The following CHD3 variants were observed in gnomAD, a reference collection of about 807,000 sequenced individuals.
The protein encoded by CHD3 is ATP-dependent chromatin remodeler CHD3.
CHD3 carries 52 observed loss-of-function variants against 248.9 expected under a neutral mutation model. The observed-to-expected ratio is 0.21, with a 90% CI of 0.17 to 0.26. The LOEUF is 0.26. CHD3 is among the 10% of genes least tolerant of loss of function. The pLI is 1.00. For synonymous variants in CHD3, 985 were observed against 985.2 expected (o/e 1.00, Z 0.00); for missense variants, 1,482 against 2,605.8 (o/e 0.57, Z 9.39).
chr17:7,904,315 A>G lies in CHD3; in HGVS notation c.3895-127A>G, dbSNP rs924480434. 4 of 823,552 alleles carry G rather than the reference A, an allele frequency of 4.9e-6. No homozygotes were observed. The Admixed American group carries it at 1.0e-4, about 21-fold the overall frequency. The allele number at this position is 823,552 out of a possible 1,614,324, so 51.0% of individuals were successfully genotyped here. ...TGCGCAATGTCCAGAAAATGTATGC[A>G]GAGCCACGAAGCTGCAGGAGTGGGG... On this transcript the variant is annotated intron_variant, in intron 24 of 39. Transcript: ENST00000330494. The surrounding 1 kb of genome is among the most constrained non-coding windows in gnomAD (Gnocchi z 4.4).
intron 4 of CHD3, among the ~76,000 whole-genome samples, chr17:7,892,286 G>C (rs564331058): frequency 6.6e-6 from 1 of 152,124 alleles, no homozygotes. Context: ...TCCGTCCTAC[G>C]GAAGCCCATC....
In CHD3 at chr17:7,911,263, G is replaced by A. The variant is rs1971621525; in HGVS notation, c.5882-201G>A. On this transcript the variant is annotated intron_variant, in intron 39 of 39. Transcript: ENST00000330494. This position sits in a 1 kb window ranked among gnomAD's most constrained non-coding sequence, Gnocchi z 5.4. ...GGAAAGTGAATATGAAACCCGAGGG[G>A]TTAGAGAGTGGGAACATGTGTTCAA... 6.6e-6 allele frequency among the ~76,000 whole-genome samples: 1 copy of A among 152,218 alleles called. No homozygotes were observed. Among genetic ancestry groups the A allele is most frequent in the Admixed American group, 6.5e-5 (1 of 15,284 alleles).
Position 7,911,691 on chromosome 17 carries a change from C to T in CHD3, c.*106C>T. The stretch of plus-strand genomic sequence containing the variant: ...CCTCCACCTTCCCCACCCCTTGGGC[C>T]ATCACTGGGCTAGGAACCCCTTTGC... On this transcript the variant is annotated 3_prime_UTR_variant, in exon 40 of 40. Coordinates refer to ENST00000330494, the MANE Select transcript of CHD3 (RefSeq NM_001005273.3). This position sits in a 1 kb window ranked among gnomAD's most constrained non-coding sequence, Gnocchi z 5.4. The T allele has an allele frequency of 6.3e-7, 1 of 1,584,564 alleles. No homozygotes were observed. The highest frequency in any genetic ancestry group is 8.6e-7 in the Non-Finnish European group (1 of 1,164,786).
Position 7,906,252 on chromosome 17 carries a change from C to T in CHD3, c.4358+263C>T. On this transcript the variant is annotated intron_variant, in intron 28 of 39. Coordinates refer to ENST00000330494, the MANE Select transcript of CHD3 (RefSeq NM_001005273.3). The surrounding 1 kb of genome is among the most constrained non-coding windows in gnomAD (Gnocchi z 5.0). ...GGAGCCTCTCCTGGGCTGTCCTAGCCTCACATTTACTTGACCACAATAACC... is the reference window on the plus strand; with the variant it reads ...GGAGCCTCTCCTGGGCTGTCCTAGCTTCACATTTACTTGACCACAATAACC... 4.2e-6 allele frequency: 3 copies of T among 718,976 alleles called. No individual in the cohort carries two copies. Among genetic ancestry groups the T allele is most frequent in the Non-Finnish European group, 5.0e-6 (2 of 397,328 alleles). The allele number at this position is 718,976 out of a possible 1,614,324, so 44.5% of individuals were successfully genotyped here. A position where few individuals can be genotyped will look rare whatever the true frequency, so the allele number is the denominator to read the frequency against.
Position 7,899,478 on chromosome 17 carries a change from C to T in CHD3, c.2479C>T (p.Arg827Cys), listed in dbSNP as rs576579516. The T allele has an allele frequency of 6.2e-7, 1 of 1,614,170 alleles. No homozygotes were observed. Among genetic ancestry groups the T allele is most frequent in the South Asian group, 1.1e-5 (1 of 91,084 alleles). The change falls in exon 15 of 40, where the codon CGT (arginine) becomes TGT (cysteine). Residue 827 changes from arginine to cysteine, a missense_variant. Physicochemically the swap from Arg to Cys is radical, Grantham distance 180 (BLOSUM62 -3). Transcript: ENST00000330494. This position sits in a 1 kb window ranked among gnomAD's most constrained non-coding sequence, Gnocchi z 6.8. ...TGACAAGGACAGCCGGGCCATCATT[C>T]GTGAGAATGAATTCTCCTTTGAGGA... ...TGDKDSRAIIRENEFSFEDNA... is the reference protein window; with the variant it reads ...TGDKDSRAIICENEFSFEDNA...
Position 7,906,522 on chromosome 17 carries a change from C to G in CHD3, c.4359-31C>G, listed in dbSNP as rs1378505354. The G allele has an allele frequency of 2.5e-6, 4 of 1,612,608 alleles. No individual in the cohort carries two copies. The highest frequency in any genetic ancestry group is 3.4e-6 in the Non-Finnish European group (4 of 1,179,620). ...GCCCTATACCCCTTCTGTGGCTCCC[C>G]TAACCCTCCTCCCACTCCCATGCTC... On this transcript the variant is annotated intron_variant, in intron 28 of 39. Transcript: ENST00000330494. This position sits in a 1 kb window ranked among gnomAD's most constrained non-coding sequence, Gnocchi z 5.0.
rs1419102492 is a variant in CHD3 at position 7,903,622 on chromosome 17, T to C, written c.3727+119T>C. Reference sequence around the variant, plus strand: ...GCAGCCTTTGAAGGAAGGAGAGCCTTCTTTTAGTAGCCCTTGGAGGAAGGT... The same window carrying C: ...GCAGCCTTTGAAGGAAGGAGAGCCTCCTTTTAGTAGCCCTTGGAGGAAGGT... On this transcript the variant is annotated intron_variant, in intron 23 of 39. Transcript: ENST00000330494. This position sits in a 1 kb window ranked among gnomAD's most constrained non-coding sequence, Gnocchi z 6.8. 1.1e-5 allele frequency: 11 copies of C among 1,037,346 alleles called. No individual in the cohort carries two copies. The highest frequency in any genetic ancestry group is 2.6e-5 in the Admixed American group (1 of 38,190). The allele number at this position is 1,037,346 out of a possible 1,614,324, so 64.3% of individuals were successfully genotyped here. A position where few individuals can be genotyped will look rare whatever the true frequency, so the allele number is the denominator to read the frequency against.
upstream of CHD3, chr17:7,884,973 CGGGCCACGACCG>C (rs1255932581): frequency 1.6e-5 from 18 of 1,136,772 alleles, no homozygotes; most frequent in Non-Finnish European, 2.0e-5. Flanking sequence ...GGGCGCGGGC[CGGGCCACGACCG>C]GGGCCGCGAC....
rs1433841685 is a variant in CHD3 at position 7,911,278 on chromosome 17, CAT to C, written c.5882-185_5882-184del. On this transcript the variant is annotated intron_variant, in intron 39 of 39. Transcript: ENST00000330494. This position sits in a 1 kb window ranked among gnomAD's most constrained non-coding sequence, Gnocchi z 5.4. ...AACCCGAGGGGTTAGAGAGTGGGAA[CAT>C]GTGTTCAATCATGTAGCACAAAGTG... Among the ~76,000 whole-genome samples, 5 of 152,218 alleles carry C rather than the reference CAT, an allele frequency of 3.3e-5. No homozygotes were observed. The highest frequency in any genetic ancestry group is 5.9e-5 in the Non-Finnish European group (4 of 68,040).
chr17:7,900,909 T>A lies in CHD3; in HGVS notation c.3036T>A (p.Gly1012=). ...RNFEALNSRG[G]GNQVSLLNIM... The stretch of plus-strand genomic sequence containing the variant: ...TTGAGGCCTTGAATTCACGAGGTGG[T>A]GGGAACCAGGTGTCGCTGCTTAATA... Residue 1012 remains glycine, a synonymous_variant, in exon 19 of 40, where the codon GGT becomes GGA. Transcript: ENST00000330494. This position sits in a 1 kb window ranked among gnomAD's most constrained non-coding sequence, Gnocchi z 6.5. The A allele has an allele frequency of 6.2e-7, 1 of 1,614,168 alleles. No homozygotes were observed. Among genetic ancestry groups the A allele is most frequent in the Non-Finnish European group, 8.5e-7 (1 of 1,180,016 alleles).
chr17:7,903,180 C>A lies in CHD3; in HGVS notation c.3496-92C>A. ...TCTTCTGGGAGGAGAGAAGGCCCTT[C>A]TTCAGCAGCCTTCTTTCCTGAGGCA... On this transcript the variant is annotated intron_variant, in intron 22 of 39. Transcript: ENST00000330494. The surrounding 1 kb of genome is among the most constrained non-coding windows in gnomAD (Gnocchi z 6.8). The A allele has an allele frequency of 2.6e-6, 4 of 1,562,256 alleles. No homozygotes were observed. The highest frequency in any genetic ancestry group is 3.5e-6 in the Non-Finnish European group (4 of 1,141,422).
chr17:7,899,486 T>C lies in CHD3; in HGVS notation c.2487T>C (p.Asn829=). ...DKDSRAIIRE[N]EFSFEDNAIK... is the part of the protein sequence containing the mutation. ...ACAGCCGGGCCATCATTCGTGAGAA[T>C]GAATTCTCCTTTGAGGACAATGCCA... Residue 829 remains asparagine, a synonymous_variant, in exon 15 of 40, where the codon AAT becomes AAC. Coordinates refer to ENST00000330494, the MANE Select transcript of CHD3 (RefSeq NM_001005273.3). This position sits in a 1 kb window ranked among gnomAD's most constrained non-coding sequence, Gnocchi z 6.8. The C allele has an allele frequency of 6.2e-7, 1 of 1,614,188 alleles. No homozygotes were observed. Among genetic ancestry groups the C allele is most frequent in the Non-Finnish European group, 8.5e-7 (1 of 1,180,028 alleles).
Position 7,899,686 on chromosome 17 carries a change from A to G in CHD3, c.2544+143A>G. 1 of 1,019,690 alleles carries G rather than the reference A, an allele frequency of 9.8e-7. No individual in the cohort carries two copies. Among genetic ancestry groups the G allele is most frequent in the South Asian group, 1.5e-5 (1 of 64,952 alleles). The allele number at this position is 1,019,690 out of a possible 1,614,324, so 63.2% of individuals were successfully genotyped here. The stretch of plus-strand genomic sequence containing the variant: ...TCCTGTCTCTGCACTACCATCCTAG[A>G]GATATGGCAGGTACTCCCAGGGGCA... On this transcript the variant is annotated intron_variant, in intron 15 of 39. Coordinates refer to ENST00000330494, the MANE Select transcript of CHD3 (RefSeq NM_001005273.3). This position sits in a 1 kb window ranked among gnomAD's most constrained non-coding sequence, Gnocchi z 6.8.
rs1971139626 is a variant in CHD3, at chr17:7,907,585, C to CT, written c.4925-15dup. On this transcript the variant is annotated splice_polypyrimidine_tract_variant and intron_variant, in intron 32 of 39. Transcript: ENST00000330494. The surrounding 1 kb of genome is among the most constrained non-coding windows in gnomAD (Gnocchi z 4.3). ...GGGTAACATCCTCCCTTCCTATCCCCTACCCCCTCCCACAGCCACAGAGTC... is the reference window on the plus strand; with the variant it reads ...GGGTAACATCCTCCCTTCCTATCCCCTTACCCCCTCCCACAGCCACAGAGTC... 1.3e-6 allele frequency: 2 copies of CT among 1,512,048 alleles called. No individual in the cohort carries two copies. The highest frequency in any genetic ancestry group is 1.4e-5 in the African/African-American group (1 of 71,414). The allele number at this position is 1,512,048 out of a possible 1,614,324, so 93.7% of individuals were successfully genotyped here.
chr17:7,897,275 C>G lies in CHD3; in HGVS notation c.1900C>G (p.His634Asp). 1.2e-6 allele frequency: 2 copies of G among 1,613,796 alleles called. No individual in the cohort carries two copies. Among genetic ancestry groups the G allele is most frequent in the Non-Finnish European group, 1.7e-6 (2 of 1,179,946 alleles). The change falls in exon 11 of 40, where the codon CAC becomes GAC. Residue 634 changes from histidine (H) to aspartate (D), a missense_variant. His to Asp is a moderately conservative substitution (Grantham distance 81). Transcript: ENST00000330494. The surrounding 1 kb of genome is among the most constrained non-coding windows in gnomAD (Gnocchi z 4.8). ...FGIKPEWMTV[H>D]RIINHSVDKK... ...CATCAAGCCAGAGTGGATGACCGTC[C>G]ACCGCATCATCAACCACAGGTGAAT...
At position 7,906,813 on chromosome 17, in the gene CHD3, T is replaced by C; in HGVS notation, c.4504-56T>C. 1 of 1,604,582 alleles carries C rather than the reference T, an allele frequency of 6.2e-7. No individual in the cohort carries two copies. Among genetic ancestry groups the C allele is most frequent in the South Asian group, 1.1e-5 (1 of 90,390 alleles). On this transcript the variant is annotated intron_variant, in intron 29 of 39. Coordinates refer to ENST00000330494, the MANE Select transcript of CHD3 (RefSeq NM_001005273.3). The surrounding 1 kb of genome is among the most constrained non-coding windows in gnomAD (Gnocchi z 5.0). ...GGTGTGAGACGGAGGAGACTGGAGCTTCCTGTCTGTAAGCGCCTGGAGCTG... is the reference window on the plus strand; with the variant it reads ...GGTGTGAGACGGAGGAGACTGGAGCCTCCTGTCTGTAAGCGCCTGGAGCTG...
rs748950223 is a variant in CHD3, at chr17:7,907,247, G to A, written c.4788G>A (p.Glu1596=). ...NSRIGEKMET[E]ADAPSPAPSL... is the part of the protein sequence containing the mutation. The stretch of plus-strand genomic sequence containing the variant: ...GAATTGGGGAGAAGATGGAGACAGA[G>A]GTGTGTGGCTCCCTGGATTCCCCTG... Residue 1596 remains glutamate, a splice_region_variant and synonymous_variant, in exon 31 of 40, where the codon GAG becomes GAA. Coordinates refer to ENST00000330494, the MANE Select transcript of CHD3 (RefSeq NM_001005273.3). This position sits in a 1 kb window ranked among gnomAD's most constrained non-coding sequence, Gnocchi z 4.3. The A allele has an allele frequency of 6.2e-6, 10 of 1,614,252 alleles. No homozygotes were observed. The highest frequency in any genetic ancestry group is 2.7e-5 in the African/African-American group (2 of 75,064).
rs377764206 is a variant in CHD3 at position 7,889,991 on chromosome 17, G to A, written c.213+215G>A. Among the ~76,000 whole-genome samples, 44 of 151,800 alleles carry A rather than the reference G, an allele frequency of 2.9e-4. No homozygotes were observed. The highest frequency in any genetic ancestry group is 9.2e-4 in the African/African-American group (38 of 41,094). On this transcript the variant is annotated intron_variant, in intron 2 of 39. Transcript: ENST00000330494. This position sits in a 1 kb window ranked among gnomAD's most constrained non-coding sequence, Gnocchi z 4.5. ...TCACTGCAACCTAGTGAAGAGCCTC[G>A]TTGTCAGTGTGTCCTCAGCAGCAAA...
At chr17:7,885,213 C>A (rs1967612252), upstream of CHD3, 2 of 875,390 alleles carry the variant, frequency 2.3e-6, no homozygotes, top group Non-Finnish European at 2.7e-6. Flanking sequence ...GGGGCTCGGG[C>A]CCGTGGCCCC....
Sources: allele counts gnomAD v4.1 joint callset (sites outside exome capture counted in the v4.1 genomes callset), GRCh38; gene constraint gnomAD v4.1.1; non-coding constraint Gnocchi (gnomAD v3.1); transcripts MANE v1.5; gene names NCBI Gene and HGNC (gene_info 2026-07-23, HGNC 2026-07-21).